PRKG1: variants seen among roughly 807,000 people sequenced by gnomAD.
PRKG1 encodes the protein protein kinase cGMP-dependent 1, also known as cGMP-dependent protein kinase 1.
PRKG1 carries 35 observed loss-of-function variants against 88.1 expected under a neutral mutation model. That is an observed-to-expected ratio of 0.40 (90% confidence interval 0.30 to 0.53). PRKG1 has a LOEUF of 0.53. PRKG1 is among the 20% of genes least tolerant of loss of function. The pLI, the probability that PRKG1 is intolerant of heterozygous loss-of-function variation, is 0.59. For missense variants in PRKG1, 540 were observed against 839.8 expected, an observed-to-expected ratio of 0.64 and a Z score of 4.41; for synonymous variants, 303 against 292.5, an observed-to-expected ratio of 1.04 and a Z score of -0.37.
intron 4 of PRKG1, among the ~76,000 whole-genome samples, chr10:51,888,651 G>A (rs1175241211): frequency 6.6e-6 from 1 of 152,182 alleles, no homozygotes; most frequent in Non-Finnish European, 1.5e-5. Context: ...TTTGGCAAAT[G>A]AACTCCAGGC....
chr10:52,148,113 A>G (rs908035506), intron 8 of PRKG1, among the ~76,000 whole-genome samples: 10 of 152,198 alleles, frequency 6.6e-5, no homozygotes, highest in African/African-American at 2.4e-4. Flanking sequence ...CCTGGGATCA[A>G]ATTCTAGATC....
chr10:51,543,469 G>T (rs1261751428), intron 3 of PRKG1, among the ~76,000 whole-genome samples: 1 of 152,204 alleles, frequency 6.6e-6, no homozygotes, highest in African/African-American at 2.4e-5. Context: ...GCATCCACAT[G>T]CAGGTAACCC....
intron 2 of PRKG1, among the ~76,000 whole-genome samples, chr10:51,211,409 A>G (rs1015123361): frequency 6.6e-6 from 1 of 152,196 alleles, no homozygotes. Context: ...CTGGCACAAG[A>G]CAGGGATGCC....
intron 2 of PRKG1, among the ~76,000 whole-genome samples, chr10:51,163,371 T>C (rs1846416818): frequency 6.6e-6 from 1 of 152,248 alleles, no homozygotes; most frequent in Non-Finnish European, 1.5e-5. Context: ...CAAACTCCTA[T>C]GAAGATGGTT....
At position 51,243,450 on chromosome 10, in the gene PRKG1, G is replaced by A. The variant is rs567372077; in HGVS notation, c.478+90120G>A. Among the ~76,000 whole-genome samples, 42 of 152,212 alleles carry A rather than the reference G, an allele frequency of 2.8e-4. No homozygotes were observed. In the South Asian group the frequency reaches 6.2e-3, roughly 23 times the overall value. ...CACCATTTCCTGGCATTGCTCTGGC[G>A]GACCTTATGTTTTTCCCTGCTGTGG... On this transcript the variant is annotated intron_variant, in intron 2 of 17. Transcript: ENST00000373980.
intron 8 of PRKG1, among the ~76,000 whole-genome samples, chr10:52,144,840 TA>T (rs1249977923): frequency 6.6e-6 from 1 of 151,920 alleles, no homozygotes. Flanking sequence ...AAAATAAAAA[TA>T]AATAAACTTT....
At chr10:52,009,226 C>CA (rs1844818688) in intron 5 of PRKG1, among the ~76,000 whole-genome samples, 1 of 152,100 alleles carries the variant, frequency 6.6e-6, no homozygotes, top group Non-Finnish European at 1.5e-5. Context: ...GAGAGGAAGT[C>CA]AAATTCTTCC....
chr10:51,174,375 T>G (rs1170614622), intron 2 of PRKG1, among the ~76,000 whole-genome samples: 1 of 151,990 alleles, frequency 6.6e-6, no homozygotes, highest in African/African-American at 2.4e-5. Flanking sequence ...AATACTAAAT[T>G]CTTTTTAGCA....
chr10:52,215,717 A>G (rs1318656166), intron 9 of PRKG1, among the ~76,000 whole-genome samples: 1 of 152,188 alleles, frequency 6.6e-6, no homozygotes, highest in Non-Finnish European at 1.5e-5. Context: ...AAATATATTA[A>G]TATACATTTT....
At chr10:51,603,067 C>A (rs1442584667) in intron 3 of PRKG1, among the ~76,000 whole-genome samples, 1 of 151,994 alleles carries the variant, frequency 6.6e-6, no homozygotes, top group East Asian at 1.9e-4. Flanking sequence ...AAGCAATTCT[C>A]CTGCCTCAAC....
chr10:51,891,425 C>T (rs902319444), intron 4 of PRKG1, among the ~76,000 whole-genome samples: 19 of 152,150 alleles, frequency 1.2e-4, no homozygotes, highest in African/African-American at 4.3e-4. Flanking sequence ...ACTATTTTAA[C>T]ATCGAATAAG....
intron 3 of PRKG1, among the ~76,000 whole-genome samples, chr10:51,796,687 G>A (rs1327039801): frequency 6.6e-6 from 1 of 152,156 alleles, no homozygotes; most frequent in South Asian, 2.1e-4. Flanking sequence ...ATAATTTCTG[G>A]GTGTATCTAT....
chr10:51,539,936 T>C (rs986596962), intron 3 of PRKG1, among the ~76,000 whole-genome samples: 2 of 152,240 alleles, frequency 1.3e-5, no homozygotes, highest in Admixed American at 1.3e-4. Context: ...TTTCTAACAA[T>C]GTCTTCTTTT....
chr10:52,015,545 G>A (rs886807881), intron 5 of PRKG1, among the ~76,000 whole-genome samples: 1 of 152,126 alleles, frequency 6.6e-6, no homozygotes, highest in Non-Finnish European at 1.5e-5. Flanking sequence ...CCATTGTCTT[G>A]GCTATTAACA....
At chr10:51,495,286 T>G (rs2879572) in intron 3 of PRKG1, among the ~76,000 whole-genome samples, 145,132 of 152,182 alleles carry the variant, frequency 0.95, 69,229 homozygotes, top group East Asian at 1. Context: ...AGTAGAGATG[T>G]GTTTCACCAT....
intron 3 of PRKG1, among the ~76,000 whole-genome samples, chr10:51,676,536 A>G (rs1840716521): frequency 6.6e-6 from 1 of 152,160 alleles, no homozygotes; most frequent in Non-Finnish European, 1.5e-5. Flanking sequence ...AATGATCAAA[A>G]AGTATGTAGG....
intron 7 of PRKG1, among the ~76,000 whole-genome samples, chr10:52,096,133 C>T (rs1847165543): frequency 6.6e-6 from 1 of 152,184 alleles, no homozygotes; most frequent in African/African-American, 2.4e-5. Flanking sequence ...TTCTTGGCTC[C>T]TGTCACTGAT....
At chr10:52,148,959 T>G (rs1380582581) in intron 8 of PRKG1, among the ~76,000 whole-genome samples, 1 of 51,290 alleles carries the variant, frequency 1.9e-5, no homozygotes, top group Non-Finnish European at 5.7e-5. Flanking sequence ...TAGTTTTGCT[T>G]TTTTTTTTTT....
At chr10:51,762,379 G>A (rs1838041392) in intron 3 of PRKG1, among the ~76,000 whole-genome samples, 2 of 152,164 alleles carry the variant, frequency 1.3e-5, no homozygotes, top group Admixed American at 1.3e-4. Context: ...CAGTGATAAA[G>A]CTCAATGATA....
Sources: allele counts gnomAD v4.1 joint callset (sites outside exome capture counted in the v4.1 genomes callset), GRCh38; gene constraint gnomAD v4.1.1; transcripts MANE v1.5; gene names NCBI Gene and HGNC (gene_info 2026-07-23, HGNC 2026-07-21).